The following ZNF782 variants were observed in gnomAD, a reference collection of about 807,000 sequenced individuals.
ZNF782 encodes the protein zinc finger protein 782.
Under a neutral mutation model 13.0 loss-of-function variants are expected in ZNF782, and 12 were observed. The ratio of observed to expected loss-of-function variants is 0.92; its 90% CI spans 0.59 to 1.50. The LOEUF (loss-of-function observed/expected upper bound fraction) is 1.50. Among genes scored for constraint, ZNF782 ranks in the 40% most tolerant of loss-of-function variants. ZNF782 has a pLI of 0.00. For missense variants in ZNF782, 770 were observed against 822.9 expected (o/e 0.94, Z 0.79); for synonymous variants, 284 against 283.0 (o/e 1.00, Z -0.04).
the ZNF782 span, among the ~76,000 whole-genome samples, chr9:96,928,078 A>G: frequency 6.7e-6 from 1 of 150,242 alleles, no homozygotes; most frequent in East Asian, 2.0e-4. Flanking sequence ...TTCCTCCAGG[A>G]AAGAAAATGT....
chr9:96,867,311 A>C (rs1251584445), intron 1 of ZNF782, among the ~76,000 whole-genome samples: 1 of 152,188 alleles, frequency 6.6e-6, no homozygotes. Context: ...CAGTATTATA[A>C]GGAGTTTCCC....
chr9:96,846,031 A>AT (rs1478577644), intron 3 of ZNF782, among the ~76,000 whole-genome samples: 1 of 152,206 alleles, frequency 6.6e-6, no homozygotes, highest in Non-Finnish European at 1.5e-5. Context: ...GAAAGAAGGG[A>AT]TTGGGGGTCC....
chr9:96,841,641 A>G (rs1366221455), intron 4 of ZNF782, among the ~76,000 whole-genome samples: 1 of 152,006 alleles, frequency 6.6e-6, no homozygotes, highest in Non-Finnish European at 1.5e-5. Flanking sequence ...TCACAGCAGT[A>G]TATACATAAA....
chr9:96,909,023 CT>C, the ZNF782 span, among the ~76,000 whole-genome samples: 1 of 56,874 alleles, frequency 1.8e-5, no homozygotes, highest in African/African-American at 6.6e-5. Context: ...GTCTTGTCTT[CT>C]CATTCGGCTG....
chr9:96,822,096 A>C (rs1850439585), intron 5 of ZNF782, among the ~76,000 whole-genome samples: 1 of 152,220 alleles, frequency 6.6e-6, no homozygotes. Context: ...GTTAAAAAGC[A>C]GTGTGCCTCA....
chr9:96,889,033 C>T, the ZNF782 span: 1 of 152,266 alleles, frequency 6.6e-6, no homozygotes, highest in Non-Finnish European at 1.5e-5. Context: ...ACATCTGCAG[C>T]CAAGCCTGTG....
chr9:96,895,451 A>G, the ZNF782 span: 1 of 152,230 alleles, frequency 6.6e-6, no homozygotes, highest in East Asian at 1.9e-4. Flanking sequence ...AATCAATTCC[A>G]AGACTTGGGC....
chr9:96,817,835 T>C lies in ZNF782; in HGVS notation c.*88A>G. On this transcript the variant is annotated 3_prime_UTR_variant, in exon 6 of 6. Coordinates refer to ENST00000481138, the MANE Select transcript of ZNF782 (RefSeq NM_001001662.3). The stretch of plus-strand genomic sequence containing the variant: ...AGAGGAAATTCCAGTGCTCACTATG[T>C]TAACAGTTCTCTCCTGTGTGTTCAT... The C allele has an allele frequency of 1.7e-6, 2 of 1,188,412 alleles. No homozygotes were observed. The highest frequency in any genetic ancestry group is 3.4e-5 in the South Asian group (2 of 59,524). The allele number at this position is 1,188,412 out of a possible 1,614,324, so 73.6% of individuals were successfully genotyped here. A position where few individuals can be genotyped will look rare whatever the true frequency, so the allele number is the denominator to read the frequency against.
the ZNF782 span, chr9:96,888,247 G>C: frequency 6.6e-6 from 1 of 151,756 alleles, no homozygotes; most frequent in Non-Finnish European, 1.5e-5. Context: ...AGTAGAAGTC[G>C]CTATATTAAT....
the ZNF782 span, among the ~76,000 whole-genome samples, chr9:96,921,233 T>A: frequency 2.7e-5 from 4 of 150,284 alleles, no homozygotes; most frequent in Admixed American, 6.6e-5. Context: ...TTTTTTTTTT[T>A]AAATCACTTT....
chr9:96,894,928 T>C, the ZNF782 span: 1 of 152,282 alleles, frequency 6.6e-6, no homozygotes, highest in Middle Eastern at 3.4e-3. Flanking sequence ...CTTGCTACGT[T>C]GCCCAAGCAG....
chr9:96,925,372 T>G, the ZNF782 span, among the ~76,000 whole-genome samples: 1 of 152,016 alleles, frequency 6.6e-6, no homozygotes, highest in Non-Finnish European at 1.5e-5. Context: ...GCGCGGTGGC[T>G]CACGCCTGTA....
the ZNF782 span, chr9:96,887,938 T>C: frequency 1.4e-5 from 2 of 145,466 alleles, no homozygotes; most frequent in African/African-American, 5.1e-5. Flanking sequence ...AAACACCACA[T>C]GTTCTCACTC....
At position 96,818,668 on chromosome 9, in the gene ZNF782, C is replaced by T. The variant is rs781234207; in HGVS notation, c.1355G>A (p.Cys452Tyr). The stretch of plus-strand genomic sequence containing the variant: ...GTTAAAAGATTTCCCACATTCATGA[C>T]ATTCGAATGGTTTCTCCCCTGTGTG... ...RTHTGEKPFE[C>Y]HECGKSFNYK... The change falls in exon 6 of 6, where the codon TGT becomes TAT. Residue 452 changes from cysteine to tyrosine, a missense_variant. Transcript: ENST00000481138. 8.1e-6 allele frequency: 13 copies of T among 1,613,774 alleles called. No homozygotes were observed. Among genetic ancestry groups the T allele is most frequent in the Non-Finnish European group, 9.3e-6 (11 of 1,179,926 alleles).
chr9:96,863,123 C>T (rs1364501770), intron 1 of ZNF782, among the ~76,000 whole-genome samples: 1 of 152,050 alleles, frequency 6.6e-6, no homozygotes, highest in Non-Finnish European at 1.5e-5. Context: ...ACTTAACATA[C>T]ATTTATCTTG....
In ZNF782 at chr9:96,819,573, C is replaced by G. The variant is rs143941925; in HGVS notation, c.450G>C (p.Leu150=). The G allele has an allele frequency of 9.3e-6, 15 of 1,613,204 alleles. No homozygotes were observed. In the African/African-American group the frequency reaches 1.9e-4, roughly 20 times the overall value. ...TTGAATACTGACAGTGTGGGGCCAT[C>G]AGGCTGAGCCCCTGGCAAGCAGACC... ...IAGSACQGLS[L]MAPHCQYSKE... Residue 150 remains leucine (L), a synonymous_variant, in exon 6 of 6, where the codon CTG becomes CTC. Coordinates refer to ENST00000481138, the MANE Select transcript of ZNF782 (RefSeq NM_001001662.3).
the ZNF782 span, among the ~76,000 whole-genome samples, chr9:96,901,692 G>C: frequency 6.6e-6 from 1 of 151,196 alleles, no homozygotes; most frequent in African/African-American, 2.4e-5. Context: ...AGCCAACGTG[G>C]TGAAACATCG....
At chr9:96,911,521 G>GTTTTTTTTTTTTTTT in the ZNF782 span, among the ~76,000 whole-genome samples, 1 of 109,614 alleles carries the variant, frequency 9.1e-6, no homozygotes, top group African/African-American at 3.6e-5. Flanking sequence ...TTTTTGTTTT[G>GTTTTTTTTTTTTTTT]TTTTGTTTTT....
the ZNF782 span, among the ~76,000 whole-genome samples, chr9:96,896,928 A>G: frequency 6.6e-6 from 1 of 152,152 alleles, no homozygotes; most frequent in Non-Finnish European, 1.5e-5. Context: ...TCCTTTTCAG[A>G]AGCAGTTTTG....
Sources: allele counts gnomAD v4.1 joint callset (sites outside exome capture counted in the v4.1 genomes callset), GRCh38; gene constraint gnomAD v4.1.1; transcripts MANE v1.5; gene names NCBI Gene and HGNC (gene_info 2026-07-23, HGNC 2026-07-21).